The following MGLL variants were observed in gnomAD, a reference collection of about 807,000 sequenced individuals.
The protein encoded by MGLL is monoglyceride lipase, also known as lysophospholipase homolog.
Under a neutral mutation model 29.1 loss-of-function variants are expected in MGLL, and 7 were observed. The observed-to-expected ratio is 0.24, with a 90% CI of 0.14 to 0.45. The LOEUF (loss-of-function observed/expected upper bound fraction) is 0.45, where lower values mean the gene tolerates loss of function less well. Ranked by LOEUF, MGLL falls within the 20% of genes least tolerant of loss-of-function variation. The pLI is 0.99. For synonymous variants in MGLL, 148 were observed against 168.3 expected (o/e 0.88, Z 0.93); for missense variants, 356 against 413.6 (o/e 0.86, Z 1.21).
rs556157439 is a variant in MGLL, at chr3:127,818,337, T to C, written c.155+3357A>G. Among the ~76,000 whole-genome samples, 11 of 152,228 alleles carry C rather than the reference T, an allele frequency of 7.2e-5. No homozygotes were observed. In the South Asian group the frequency reaches 2.3e-3, roughly 32 times the overall value. On this transcript the variant is annotated intron_variant, in intron 2 of 7. Coordinates refer to ENST00000265052, the MANE Select transcript of MGLL (RefSeq NM_007283.7). ...CAAGGGCATAAATTCTGTTTTTTGT[T>C]ATTGTTGTTGTTGTTTTCAGAAGGG...
intron 3 of MGLL, among the ~76,000 whole-genome samples, chr3:127,728,774 A>G (rs1428383609): frequency 2.0e-5 from 3 of 152,192 alleles, no homozygotes; most frequent in African/African-American, 7.2e-5. Flanking sequence ...ATGTAAATGC[A>G]TATGTAATTT....
chr3:127,749,564 G>A (rs1212953995), intron 3 of MGLL, among the ~76,000 whole-genome samples: 1 of 152,200 alleles, frequency 6.6e-6, no homozygotes, highest in African/African-American at 2.4e-5. Context: ...CTTGCTGTGT[G>A]CTGGGGGGAT....
chr3:127,732,532 C>A (rs750017047), intron 3 of MGLL, among the ~76,000 whole-genome samples: 39 of 151,892 alleles, frequency 2.6e-4, no homozygotes, highest in Non-Finnish European at 4.3e-4. Context: ...GATAAAGAAC[C>A]CGCTGTGTGA....
At chr3:127,775,230 G>A (rs528279306) in intron 3 of MGLL, among the ~76,000 whole-genome samples, 1 of 152,212 alleles carries the variant, frequency 6.6e-6, no homozygotes, top group Non-Finnish European at 1.5e-5. Context: ...TCGGAGTTGG[G>A]CCCCCAAGGA....
intron 2 of MGLL, 116 bp from the exon 3 acceptor site, chr3:127,782,011 A>G (rs1467528194): frequency 1.1e-6 from 1 of 892,114 alleles, no homozygotes; most frequent in Non-Finnish European, 1.8e-6. Flanking sequence ...GCCTGAGCTC[A>G]GGAGTTTGAG....
intron 3 of MGLL, among the ~76,000 whole-genome samples, chr3:127,728,582 C>T (rs1272189151): frequency 2.6e-5 from 4 of 152,186 alleles, no homozygotes; most frequent in Non-Finnish European, 5.9e-5. Flanking sequence ...TTGCGTAGTA[C>T]GCCCTGTGGG....
intron 2 of MGLL, among the ~76,000 whole-genome samples, chr3:127,818,372 T>C (rs1456162192): frequency 1.3e-5 from 2 of 151,770 alleles, no homozygotes; most frequent in African/African-American, 4.9e-5. Context: ...GATACCTATC[T>C]CTAATCTTTT....
intron 2 of MGLL, among the ~76,000 whole-genome samples, chr3:127,794,743 T>G (rs540750773): frequency 1.3e-5 from 2 of 152,378 alleles, no homozygotes; most frequent in Admixed American, 6.5e-5. Flanking sequence ...TCTTCTCTGA[T>G]GTAAGACTGT....
intron 3 of MGLL, among the ~76,000 whole-genome samples, chr3:127,758,998 C>G (rs2076713557): frequency 6.8e-6 from 1 of 146,522 alleles, no homozygotes. Context: ...TCTAGGCTCA[C>G]TGCAACCTCT....
intron 2 of MGLL, among the ~76,000 whole-genome samples, chr3:127,789,985 A>T (rs1441600571): frequency 6.6e-6 from 1 of 152,228 alleles, no homozygotes; most frequent in African/African-American, 2.4e-5. Context: ...AAACACTACA[A>T]ATCAGAAGCC....
chr3:127,783,143 CAA>C (rs72041528), intron 2 of MGLL, among the ~76,000 whole-genome samples: 5 of 63,948 alleles, frequency 7.8e-5, no homozygotes, highest in African/African-American at 2.0e-4. Flanking sequence ...GACTCTGTCT[CAA>C]AAAAAAAAAA....
At chr3:127,773,953 C>T in intron 3 of MGLL, among the ~76,000 whole-genome samples, 1 of 152,202 alleles carries the variant, frequency 6.6e-6, no homozygotes, top group East Asian at 1.9e-4. Context: ...CCAAAGTCCT[C>T]CCCACACTCC....
chr3:127,719,174 C>T (rs1162900166), intron 5 of MGLL, among the ~76,000 whole-genome samples: 1 of 152,192 alleles, frequency 6.6e-6, no homozygotes. Flanking sequence ...CCAGAAGTGC[C>T]CCCTCCCCTG....
At chr3:127,786,368 A>C (rs1199103095) in intron 2 of MGLL, among the ~76,000 whole-genome samples, 1 of 152,258 alleles carries the variant, frequency 6.6e-6, no homozygotes, top group Admixed American at 6.5e-5. Context: ...CCATTTATGC[A>C]GACAAGGCAA....
Position 127,722,675 on chromosome 3 carries a change from G to A in MGLL, c.263-109C>T, listed in dbSNP as rs539470717. On this transcript the variant is annotated intron_variant, in intron 3 of 7. Transcript: ENST00000265052. Reference sequence around the variant, plus strand: ...CTCTCTCTCCTGAGCGCCTGAATGTGTCACCTCATTTAACCCTTTCCAGCC... The same window carrying A: ...CTCTCTCTCCTGAGCGCCTGAATGTATCACCTCATTTAACCCTTTCCAGCC... The A allele has an allele frequency of 6.9e-6, 10 of 1,455,526 alleles. No individual in the cohort carries two copies. In the South Asian group the frequency reaches 1.2e-4, roughly 17 times the overall value. The allele number at this position is 1,455,526 out of a possible 1,614,324, so 90.2% of individuals were successfully genotyped here. A position where few individuals can be genotyped will look rare whatever the true frequency, so the allele number is the denominator to read the frequency against.
intron 5 of MGLL, 192 bp from the exon 6 acceptor site, chr3:127,710,857 C>G: frequency 1.6e-6 from 1 of 621,740 alleles, no homozygotes; most frequent in Non-Finnish European, 2.9e-6. Context: ...TCTATTCAGC[C>G]TGGCTCTGCT....
chr3:127,775,904 C>G (rs962748684), intron 3 of MGLL, among the ~76,000 whole-genome samples: 1 of 152,246 alleles, frequency 6.6e-6, no homozygotes, highest in Non-Finnish European at 1.5e-5. Flanking sequence ...GTCCTCCTTG[C>G]CCCCTCTGGG....
At chr3:127,789,250 G>A (rs1340946767) in intron 2 of MGLL, among the ~76,000 whole-genome samples, 1 of 152,176 alleles carries the variant, frequency 6.6e-6, no homozygotes, top group African/African-American at 2.4e-5. Context: ...GGGAGGAGCT[G>A]CTGTGGATCA....
In MGLL at chr3:127,822,464, G is replaced by C; in HGVS notation, c.-146C>G. The C allele has an allele frequency of 1.2e-6, 1 of 814,976 alleles. No individual in the cohort carries two copies. The highest frequency in any genetic ancestry group is 1.5e-5 in the South Asian group (1 of 65,864). 50.5% of individuals were successfully genotyped at this position (814,976 alleles called of 1,614,324 possible). A position where few individuals can be genotyped will look rare whatever the true frequency, so the allele number is the denominator to read the frequency against. On this transcript the variant is annotated 5_prime_UTR_variant, in exon 1 of 8. Coordinates refer to ENST00000265052, the MANE Select transcript of MGLL (RefSeq NM_007283.7). ...CCCGCACCCAGACCCTGCCTTTCGG[G>C]CTGGGGCGCTCAGCCGGGAGCCTGC...
Sources: allele counts gnomAD v4.1 joint callset (sites outside exome capture counted in the v4.1 genomes callset), GRCh38; gene constraint gnomAD v4.1.1; transcripts MANE v1.5; gene names NCBI Gene and HGNC (gene_info 2026-07-23, HGNC 2026-07-21).